RORA: variants seen among roughly 807,000 people sequenced by gnomAD.
RORA encodes RAR related orphan receptor A, also known as nuclear receptor ROR-alpha.
RORA carries 7 observed loss-of-function variants against 69.5 expected under a neutral mutation model. The observed-to-expected ratio is 0.10, with a 90% CI of 0.06 to 0.19. The LOEUF (loss-of-function observed/expected upper bound fraction) is 0.19. Ranked by LOEUF, RORA falls within the 10% of genes least tolerant of loss-of-function variation. The pLI is 1.00. For synonymous variants in RORA, 261 were observed against 240.8 expected, an observed-to-expected ratio of 1.08 and a Z score of -0.78; for missense variants, 457 against 663.0, an observed-to-expected ratio of 0.69 and a Z score of 3.41.
intron 1 of RORA, among the ~76,000 whole-genome samples, chr15:60,968,872 G>T (rs1325909579): frequency 6.6e-6 from 1 of 152,176 alleles, no homozygotes; most frequent in South Asian, 2.1e-4. Flanking sequence ...ATAGCAAAAT[G>T]ATCTAGTTCA....
chr15:60,612,661 G>GTTTTTT (rs71122864), intron 2 of RORA, among the ~76,000 whole-genome samples: 59 of 107,098 alleles, frequency 5.5e-4, no homozygotes, highest in Non-Finnish European at 8.8e-4. Flanking sequence ...CTCTCTCTCT[G>GTTTTTT]TTTTTTTTTT....
chr15:61,084,202 G>GT (rs1289928817), intron 1 of RORA, among the ~76,000 whole-genome samples: 5 of 152,190 alleles, frequency 3.3e-5, no homozygotes, highest in African/African-American at 1.2e-4. Flanking sequence ...TCCTCTCTCT[G>GT]TTTGAGAGTG....
chr15:60,738,617 T>A (rs1010937028), intron 1 of RORA, among the ~76,000 whole-genome samples: 89 of 152,376 alleles, frequency 5.8e-4, no homozygotes, highest in African/African-American at 2.0e-3. Context: ...TATTCATTAT[T>A]CTTACATTCA....
chr15:60,654,322 ATT>A (rs2070189665), intron 2 of RORA, among the ~76,000 whole-genome samples: 1 of 152,184 alleles, frequency 6.6e-6, no homozygotes, highest in African/African-American at 2.4e-5. Context: ...CACAATTTGA[ATT>A]TAACAAACAT....
intron 2 of RORA, among the ~76,000 whole-genome samples, chr15:60,668,945 G>A (rs922137571): frequency 3.3e-5 from 5 of 152,192 alleles, no homozygotes; most frequent in African/African-American, 1.2e-4. Flanking sequence ...TTGTGCTGAT[G>A]AAAAAGTAAT....
chr15:60,621,145 TAAG>T (rs1006824215), intron 2 of RORA, among the ~76,000 whole-genome samples: 3 of 152,186 alleles, frequency 2.0e-5, no homozygotes, highest in Non-Finnish European at 4.4e-5. Flanking sequence ...AAGATGTTCC[TAAG>T]AAGAACTTAT....
At chr15:61,013,109 C>T (rs1447685955) in intron 1 of RORA, among the ~76,000 whole-genome samples, 3 of 152,204 alleles carry the variant, frequency 2.0e-5, no homozygotes, top group Non-Finnish European at 4.4e-5. Context: ...AATTCTCGTT[C>T]CAGACACATT....
chr15:61,064,134 A>G (rs921866924), intron 1 of RORA, among the ~76,000 whole-genome samples: 6 of 152,340 alleles, frequency 3.9e-5, no homozygotes, highest in Admixed American at 3.9e-4. Flanking sequence ...GGACAGAGTG[A>G]TCAGGCCTAT....
rs189160803 is a variant in RORA at position 60,676,130 on chromosome 15, C to A, written c.196+2527G>T. Among the ~76,000 whole-genome samples, 11 of 152,188 alleles carry A rather than the reference C, an allele frequency of 7.2e-5. No individual in the cohort carries two copies. In the East Asian group the frequency reaches 2.1e-3, roughly 29 times the overall value. On this transcript the variant is annotated intron_variant, in intron 2 of 10. Transcript: ENST00000335670. The stretch of plus-strand genomic sequence containing the variant: ...AACATCTTAAAAAAAAACGTATAGG[C>A]AAGTTAGGACAGTTCAGTTTTCAAG...
intron 1 of RORA, among the ~76,000 whole-genome samples, chr15:61,154,850 A>G (rs890946982): frequency 2.6e-5 from 4 of 152,160 alleles, no homozygotes; most frequent in Non-Finnish European, 4.4e-5. Context: ...GCTCAAGAAT[A>G]GAGAGTGGGC....
chr15:60,881,614 AAG>A (rs10549221), intron 1 of RORA, among the ~76,000 whole-genome samples: 47,679 of 150,796 alleles, frequency 0.32, 7,852 homozygotes, highest in Non-Finnish European at 0.36. Context: ...AAAAAACAAG[AAG>A]AGAGAGAGAG....
Position 61,147,092 on chromosome 15 carries a change from C to A in RORA, c.166+81961G>T, listed in dbSNP as rs187850623. On this transcript the variant is annotated intron_variant, in intron 1 of 10. Transcript: ENST00000335670. The surrounding 1 kb of genome is among the most constrained non-coding windows in gnomAD (Gnocchi z 4.1). ...GAGTGCTTGGAGAGCACCAAGCGGG[C>A]CAGACATCACAATAGGTTAGATTTT... Among the ~76,000 whole-genome samples the A allele has an allele frequency of 9.2e-5, 14 of 152,272 alleles. No individual in the cohort carries two copies. The highest frequency in any genetic ancestry group is 2.6e-4 in the African/African-American group (11 of 41,544).
rs1475201463 is a variant in RORA at position 60,488,506 on chromosome 15, T to A, written c.*8949A>T. 1 of 149,646 alleles carries A rather than the reference T, an allele frequency of 6.7e-6. No individual in the cohort carries two copies. Among genetic ancestry groups the A allele is most frequent in the Admixed American group, 6.6e-5 (1 of 15,052 alleles). 9.3% of individuals were successfully genotyped at this position (149,646 alleles called of 1,614,324 possible). A position where few individuals can be genotyped will look rare whatever the true frequency, so the allele number is the denominator to read the frequency against. On this transcript the variant is annotated 3_prime_UTR_variant, in exon 11 of 11. Transcript: ENST00000335670. ...TGTATTTACAAAATGAATCAAAATA[T>A]TTTTTTTTTAAATTCAGGACTCAAT...
At chr15:61,140,113 G>A (rs2079284255) in intron 1 of RORA, among the ~76,000 whole-genome samples, 1 of 152,138 alleles carries the variant, frequency 6.6e-6, no homozygotes, top group Non-Finnish European at 1.5e-5. Flanking sequence ...TTTCGAGAGA[G>A]AAAAATTTCT....
intron 1 of RORA, among the ~76,000 whole-genome samples, chr15:60,805,263 A>G (rs927374367): frequency 2.6e-5 from 4 of 152,200 alleles, no homozygotes; most frequent in Admixed American, 1.3e-4. Context: ...CAACAGCCCA[A>G]ATAAAACCAT....
intron 1 of RORA, among the ~76,000 whole-genome samples, chr15:61,078,911 T>C (rs902441072): frequency 3.3e-5 from 5 of 152,166 alleles, no homozygotes; most frequent in African/African-American, 9.7e-5. Context: ...CTAAACTTTA[T>C]AACAGCTCTA....
chr15:61,067,624 A>AATG (rs1055024915), intron 1 of RORA, among the ~76,000 whole-genome samples: 105 of 152,334 alleles, frequency 6.9e-4, no homozygotes, highest in African/African-American at 2.4e-3. Context: ...CAAGAATCAG[A>AATG]ATGATTAGGT....
intron 1 of RORA, among the ~76,000 whole-genome samples, chr15:60,843,557 A>AG (rs2140405995): frequency 6.6e-6 from 1 of 152,310 alleles, no homozygotes; most frequent in Admixed American, 6.5e-5. Flanking sequence ...AATGTCCACT[A>AG]GCTGCCCAAG....
intron 1 of RORA, among the ~76,000 whole-genome samples, chr15:60,680,519 G>A (rs1175558280): frequency 1.3e-5 from 2 of 152,034 alleles, no homozygotes; most frequent in East Asian, 1.9e-4. Flanking sequence ...CTCGGAGGTC[G>A]CAGTAGCTGG....
Sources: allele counts gnomAD v4.1 joint callset (sites outside exome capture counted in the v4.1 genomes callset), GRCh38; gene constraint gnomAD v4.1.1; non-coding constraint Gnocchi (gnomAD v3.1); transcripts MANE v1.5; gene names NCBI Gene and HGNC (gene_info 2026-07-23, HGNC 2026-07-21).